PAX9: variants seen among roughly 807,000 people sequenced by gnomAD.
The protein encoded by PAX9 is paired box protein Pax-9.
PAX9 carries 6 observed loss-of-function variants against 29.1 expected under a neutral mutation model. The observed-to-expected ratio is 0.21, with a 90% CI of 0.11 to 0.41. The LOEUF is 0.41. Ranked by LOEUF, PAX9 falls within the 10% of genes least tolerant of loss-of-function variation. PAX9 has a pLI of 1.00. For missense variants in PAX9, 443 were observed against 479.1 expected, an observed-to-expected ratio of 0.92 and a Z score of 0.70; for synonymous variants, 217 against 211.7, an observed-to-expected ratio of 1.03 and a Z score of -0.22.
chr14:36,668,125 T>C (rs1247013451), intron 3 of PAX9, among the ~76,000 whole-genome samples: 1 of 152,124 alleles, frequency 6.6e-6, no homozygotes, highest in African/African-American at 2.4e-5. Flanking sequence ...GTAAGTAATA[T>C]TTATCAGAGT....
At position 36,679,136 on chromosome 14, in the gene PAX9, C is replaced by A. The variant is rs564161819; in HGVS notation, c.*2684C>A. 1.4e-5 allele frequency: 14 copies of A among 985,332 alleles called. No homozygotes were observed. In the African/African-American group the frequency reaches 2.3e-4, roughly 16 times the overall value. The allele number at this position is 985,332 out of a possible 1,614,324, so 61.0% of individuals were successfully genotyped here. On this transcript the variant is annotated 3_prime_UTR_variant, in exon 4 of 4. Coordinates refer to ENST00000361487, the MANE Select transcript of PAX9 (RefSeq NM_001372076.1). The stretch of plus-strand genomic sequence containing the variant: ...TCATTGGATGTAAGAATATTACCTG[C>A]AAGGATAGAATGCAGTTGTGCAACA...
chr14:36,665,089 T>C (rs1248526057), intron 2 of PAX9, among the ~76,000 whole-genome samples: 1 of 149,974 alleles, frequency 6.7e-6, no homozygotes, highest in East Asian at 2.0e-4. Flanking sequence ...AGACAGGCAG[T>C]TCTGGACCAA....
At chr14:36,662,590 G>C (rs1031335050) in intron 1 of PAX9, 2 of 499,240 alleles carry the variant, frequency 4.0e-6, no homozygotes, top group African/African-American at 3.8e-5. Context: ...ACGTTCAGGC[G>C]TCAAGACCGA....
At chr14:36,658,808 C>A (rs1295404231), upstream of PAX9, 1 of 152,236 alleles carries the variant, frequency 6.6e-6, no homozygotes, top group Admixed American at 6.5e-5. Flanking sequence ...CTGGGGTCCG[C>A]GAGGGCAGGG....
intron 3 of PAX9, chr14:36,671,852 G>A (rs537166946): frequency 2.6e-5 from 4 of 152,162 alleles, no homozygotes; most frequent in East Asian, 3.9e-4. Context: ...GACTATTTCC[G>A]TTAATGTCAG....
Position 36,678,796 on chromosome 14 carries a change from T to C in PAX9, c.*2344T>C. The C allele has an allele frequency of 9.8e-7, 1 of 1,023,524 alleles. No homozygotes were observed. The highest frequency in any genetic ancestry group is 4.6e-5 in the South Asian group (1 of 21,880). 63.4% of individuals were successfully genotyped at this position (1,023,524 alleles called of 1,614,324 possible). ...AAATCTAATATTAATGGTATTGAAG[T>C]TTCCTTTTCTCCCTCTAGGTCTTAA... On this transcript the variant is annotated 3_prime_UTR_variant, in exon 4 of 4. Coordinates refer to ENST00000361487, the MANE Select transcript of PAX9 (RefSeq NM_001372076.1).
chr14:36,668,377 C>A (rs1239317362), intron 3 of PAX9, among the ~76,000 whole-genome samples: 1 of 151,076 alleles, frequency 6.6e-6, no homozygotes, highest in Admixed American at 6.6e-5. Flanking sequence ...CAAAAAAAAC[C>A]CTTTATACTT....
chr14:36,664,061 A>G (rs1410978338), intron 2 of PAX9, among the ~76,000 whole-genome samples: 3 of 152,200 alleles, frequency 2.0e-5, no homozygotes, highest in African/African-American at 7.2e-5. Flanking sequence ...AGGAAGTTCA[A>G]ATGTCACCTA....
chr14:36,677,354 G>A lies in PAX9; in HGVS notation c.*902G>A, dbSNP rs568062234. 2.6e-4 allele frequency: 39 copies of A among 152,192 alleles called. No individual in the cohort carries two copies. The highest frequency in any genetic ancestry group is 7.2e-4 in the African/African-American group (30 of 41,514). The allele number at this position is 152,192 out of a possible 1,614,324, so 9.4% of individuals were successfully genotyped here. A position where few individuals can be genotyped will look rare whatever the true frequency, so the allele number is the denominator to read the frequency against. On this transcript the variant is annotated 3_prime_UTR_variant, in exon 4 of 4. Transcript: ENST00000361487. ...ACTTTATTTCTACAGCAGAGGACAC[G>A]AAAAACAGATAAAACAAGCCAGTCT...
At chr14:36,669,437 C>A (rs1440346210) in intron 3 of PAX9, among the ~76,000 whole-genome samples, 4 of 151,260 alleles carry the variant, frequency 2.6e-5, no homozygotes, top group Non-Finnish European at 4.4e-5. Flanking sequence ...TGTCTTTGGC[C>A]AAAAAAAAGC....
chr14:36,678,630 T>C lies in PAX9; in HGVS notation c.*2178T>C. On this transcript the variant is annotated 3_prime_UTR_variant, in exon 4 of 4. Transcript: ENST00000361487. ...GTACAGAACTATTCTTTATCAAATG[T>C]TTTTAGGTGGCTGTTAGGGGGCTTT... is the stretch of plus-strand genomic sequence containing the variant. 3 of 1,292,386 alleles carry C rather than the reference T, an allele frequency of 2.3e-6. No individual in the cohort carries two copies. Among genetic ancestry groups the C allele is most frequent in the Non-Finnish European group, 2.0e-6 (2 of 1,018,950 alleles). The allele number at this position is 1,292,386 out of a possible 1,614,324, so 80.1% of individuals were successfully genotyped here. A position where few individuals can be genotyped will look rare whatever the true frequency, so the allele number is the denominator to read the frequency against.
chr14:36,661,947 GC>G lies in PAX9; in HGVS notation c.-140del. ...AGACTTCCTTTTACTTCTTCCTTTTGCCCTCTCGCCTCCTCCTCCTGGGAAG... is the reference window on the plus strand; with the variant it reads ...AGACTTCCTTTTACTTCTTCCTTTTGCCTCTCGCCTCCTCCTCCTGGGAAG... On this transcript the variant is annotated 5_prime_UTR_variant, in exon 1 of 4. An upstream open reading frame in the 5' UTR gains an earlier in-frame stop. Transcript: ENST00000361487. The G allele has an allele frequency of 1.1e-6, 1 of 932,902 alleles. No homozygotes were observed. Among genetic ancestry groups the G allele is most frequent in the East Asian group, 2.6e-5 (1 of 38,106 alleles). The allele number at this position is 932,902 out of a possible 1,614,324, so 57.8% of individuals were successfully genotyped here. A position where few individuals can be genotyped will look rare whatever the true frequency, so the allele number is the denominator to read the frequency against.
chr14:36,670,721 T>C (rs2139117375), intron 3 of PAX9, among the ~76,000 whole-genome samples: 1 of 152,188 alleles, frequency 6.6e-6, no homozygotes, highest in African/African-American at 2.4e-5. Context: ...TTAATGATCA[T>C]GTATCAGTAA....
At chr14:36,666,405 A>G in intron 2 of PAX9, 57 bp from the exon 3 acceptor site, 1 of 1,585,642 alleles carries the variant, frequency 6.3e-7, no homozygotes, top group Non-Finnish European at 8.6e-7. Context: ...GTCCCGTCTC[A>G]AGAGTGGGGC....
Position 36,677,199 on chromosome 14 carries a change from C to G in PAX9, c.*747C>G, listed in dbSNP as rs534282636. ...CCACCCCCTCTCTATTTTTTTCTTT[C>G]TTTTTTGCAAAGGTGACTTTCTGGC... On this transcript the variant is annotated 3_prime_UTR_variant, in exon 4 of 4. Coordinates refer to ENST00000361487, the MANE Select transcript of PAX9 (RefSeq NM_001372076.1). 6.6e-6 allele frequency: 1 copy of G among 151,724 alleles called. No homozygotes were observed. Among genetic ancestry groups the G allele is most frequent in the South Asian group, 2.1e-4 (1 of 4,796 alleles). 9.4% of individuals were successfully genotyped at this position (151,724 alleles called of 1,614,324 possible).
In PAX9 at chr14:36,677,408, C is replaced by A. The variant is rs535549748; in HGVS notation, c.*956C>A. 8 of 152,192 alleles carry A rather than the reference C, an allele frequency of 5.3e-5. No homozygotes were observed. Among genetic ancestry groups the A allele is most frequent in the Non-Finnish European group, 8.8e-5 (6 of 68,048 alleles). The allele number at this position is 152,192 out of a possible 1,614,324, so 9.4% of individuals were successfully genotyped here. A position where few individuals can be genotyped will look rare whatever the true frequency, so the allele number is the denominator to read the frequency against. On this transcript the variant is annotated 3_prime_UTR_variant, in exon 4 of 4. Transcript: ENST00000361487. ...ATTTTGTACCTAATCAAACAACACA[C>A]ATGCTAAGCATATAAAGACAAGAGG...
chr14:36,676,546 C>T lies in PAX9; in HGVS notation c.*94C>T. On this transcript the variant is annotated 3_prime_UTR_variant, in exon 4 of 4. Coordinates refer to ENST00000361487, the MANE Select transcript of PAX9 (RefSeq NM_001372076.1). ...GGTCTCACATCCCACCCCTCCTGCCCTCCAACCCTTCTGCCTTGAAAGCTG... is the reference window on the plus strand; with the variant it reads ...GGTCTCACATCCCACCCCTCCTGCCTTCCAACCCTTCTGCCTTGAAAGCTG... The T allele has an allele frequency of 7.0e-7, 1 of 1,427,212 alleles. No individual in the cohort carries two copies. The highest frequency in any genetic ancestry group is 2.1e-4 in the Middle Eastern group (1 of 4,792). 88.4% of individuals were successfully genotyped at this position (1,427,212 alleles called of 1,614,324 possible).
At chr14:36,670,982 C>T in intron 3 of PAX9, 1 of 404,590 alleles carries the variant, frequency 2.5e-6, no homozygotes, top group Non-Finnish European at 4.8e-6. Flanking sequence ...TTGCATAATG[C>T]ATTAAAAATG....
chr14:36,676,483 G>C lies in PAX9; in HGVS notation c.*31G>C. ...AATTCCGTCTCCAGCAGCTTCACCC[G>C]GGTCTCCCTGTCTCAGCACCTCCTC... On this transcript the variant is annotated 3_prime_UTR_variant, in exon 4 of 4. Coordinates refer to ENST00000361487, the MANE Select transcript of PAX9 (RefSeq NM_001372076.1). The C allele has an allele frequency of 6.2e-7, 1 of 1,607,004 alleles. No individual in the cohort carries two copies. The highest frequency in any genetic ancestry group is 1.1e-5 in the South Asian group (1 of 90,966).
Sources: allele counts gnomAD v4.1 joint callset (sites outside exome capture counted in the v4.1 genomes callset), GRCh38; gene constraint gnomAD v4.1.1; transcripts MANE v1.5; gene names NCBI Gene and HGNC (gene_info 2026-07-23, HGNC 2026-07-21).